The following TMEM154 variants were observed in gnomAD, a reference collection of about 807,000 sequenced individuals.
The protein encoded by TMEM154 is transmembrane protein 154.
A neutral mutation model predicts 24.5 loss-of-function variants in TMEM154; 27 were observed. That is an observed-to-expected ratio of 1.10 (90% CI 0.81 to 1.52). The LOEUF is 1.52. Ranked by LOEUF, TMEM154 falls within the 40% of genes most tolerant of loss-of-function variation. TMEM154 has a pLI of 0.00. For synonymous variants in TMEM154, 67 were observed against 76.8 expected, an observed-to-expected ratio of 0.87 and a Z score of 0.67; for missense variants, 228 against 213.4, an observed-to-expected ratio of 1.07 and a Z score of -0.43.
intron 4 of TMEM154, 122 bp downstream of exon 4, chr4:152,644,293 C>G (rs1752311858): frequency 2.7e-6 from 3 of 1,101,268 alleles, no homozygotes; most frequent in Non-Finnish European, 4.1e-6. Context: ...ATCTCCAACC[C>G]CGCCTGGGAA....
chr4:152,662,403 G>T (rs112317384), intron 1 of TMEM154, among the ~76,000 whole-genome samples: 2 of 152,134 alleles, frequency 1.3e-5, no homozygotes, highest in African/African-American at 4.8e-5. Context: ...CCAAGAGTTT[G>T]TGCAAGGAGG....
intron 1 of TMEM154, among the ~76,000 whole-genome samples, chr4:152,670,342 C>T (rs1026432561): frequency 7.9e-5 from 12 of 152,216 alleles, no homozygotes; most frequent in African/African-American, 2.6e-4. Context: ...ATCTGTAATC[C>T]CAGCACTTTG....
At chr4:152,675,945 G>A (rs1728945360) in intron 1 of TMEM154, among the ~76,000 whole-genome samples, 1 of 152,172 alleles carries the variant, frequency 6.6e-6, no homozygotes, top group Admixed American at 6.5e-5. Context: ...CATCCTCTCT[G>A]TCTGTTTTTT....
chr4:152,665,884 C>T (rs1381015905), intron 1 of TMEM154, among the ~76,000 whole-genome samples: 2 of 150,598 alleles, frequency 1.3e-5, no homozygotes, highest in Admixed American at 1.3e-4. Context: ...CACTCCTGGG[C>T]TCAAGCAAAC....
intron 1 of TMEM154, among the ~76,000 whole-genome samples, chr4:152,657,249 C>T (rs1244956648): frequency 6.6e-6 from 1 of 151,298 alleles, no homozygotes; most frequent in Non-Finnish European, 1.5e-5. Context: ...TGCAGTGGCT[C>T]ATGCCTGTAA....
chr4:152,644,472 T>C (rs768483129), intron 3 of TMEM154, 30 bp from the exon 4 acceptor site: 29 of 1,613,538 alleles, frequency 1.8e-5, no homozygotes, highest in Non-Finnish European at 2.5e-5. Context: ...AAGGTCATGT[T>C]AGCTTTGTTC....
intron 6 of TMEM154, among the ~76,000 whole-genome samples, chr4:152,631,765 A>G (rs984288218): frequency 4.2e-5 from 5 of 118,540 alleles, no homozygotes; most frequent in African/African-American, 1.6e-4. Context: ...AAGAACATTG[A>G]GTTTTTAATG....
intron 3 of TMEM154, among the ~76,000 whole-genome samples, chr4:152,645,344 A>G (rs1307642736): frequency 1.3e-5 from 2 of 152,170 alleles, no homozygotes; most frequent in East Asian, 3.9e-4. Context: ...GCATAGTGAA[A>G]CTTCCAACAA....
chr4:152,668,009 A>G (rs1728754246), intron 1 of TMEM154, among the ~76,000 whole-genome samples: 1 of 152,214 alleles, frequency 6.6e-6, no homozygotes, highest in Non-Finnish European at 1.5e-5. Flanking sequence ...TGTCTTTTTC[A>G]TTTGAAACTT....
At chr4:152,667,035 A>G (rs1315581962) in intron 1 of TMEM154, 7 of 152,228 alleles carry the variant, frequency 4.6e-5, no homozygotes, top group Admixed American at 4.6e-4. Context: ...AACGGTACTA[A>G]CTTATTATTT....
chr4:152,660,549 G>A lies in TMEM154; in HGVS notation c.65-7622C>T, dbSNP rs538081116. ...ACCATTTTTTCAGATAGACATTAGG[G>A]CAAAGAGGTTACACAACTTGCCCAA... On this transcript the variant is annotated intron_variant, in intron 1 of 6. Coordinates refer to ENST00000304385, the MANE Select transcript of TMEM154 (RefSeq NM_152680.3). Among the ~76,000 whole-genome samples, 161 of 152,214 alleles carry A rather than the reference G, an allele frequency of 1.1e-3. 1 individual carries two copies. The highest frequency in any genetic ancestry group is 1.8e-3 in the Non-Finnish European group (120 of 68,012).
At chr4:152,634,893 T>G (rs942317198) in intron 6 of TMEM154, among the ~76,000 whole-genome samples, 12 of 152,242 alleles carry the variant, frequency 7.9e-5, no homozygotes, top group Admixed American at 1.3e-4. Context: ...ACTCCTTGAC[T>G]TATGATGGGG....
intron 3 of TMEM154, among the ~76,000 whole-genome samples, chr4:152,650,615 C>T (rs1184561516): frequency 6.6e-6 from 1 of 152,162 alleles, no homozygotes; most frequent in Admixed American, 6.5e-5. Context: ...TTGATCTCCT[C>T]CTATGAATCG....
intron 1 of TMEM154, among the ~76,000 whole-genome samples, chr4:152,662,857 A>C (rs530955034): frequency 1.3e-5 from 2 of 152,056 alleles, no homozygotes; most frequent in African/African-American, 4.8e-5. Flanking sequence ...CTGGAGGTGA[A>C]CCCTCCAGAA....
At position 152,652,899 on chromosome 4, in the gene TMEM154, T is replaced by G; in HGVS notation, c.93A>C (p.Gly31=). 1 of 1,606,396 alleles carries G rather than the reference T, an allele frequency of 6.2e-7. No individual in the cohort carries two copies. The highest frequency in any genetic ancestry group is 8.5e-7 in the Non-Finnish European group (1 of 1,177,316). The change falls in exon 2 of 7, where the codon GGA becomes GGC. Residue 31 remains glycine, a synonymous_variant. Transcript: ENST00000304385. The stretch of plus-strand genomic sequence containing the variant: ...GTCTTTCAGATTCCACAGTTGTATC[T>G]CCTGAGTTTTCTAATTCCTCATAAT... ...RGNYEELENS[G]DTTVESERPN... is the part of the protein sequence containing the mutation.
rs1279551424 is a variant in TMEM154 at position 152,652,924 on chromosome 4, T to A, written c.68A>T (p.Asn23Ile). Residue 23 changes from asparagine (N) to isoleucine (I), a missense_variant, in exon 2 of 7, where the codon AAT (asparagine) becomes ATT (isoleucine). Coordinates refer to ENST00000304385, the MANE Select transcript of TMEM154 (RefSeq NM_152680.3). ...VIALVPVGRG[N>I]YEELENSGDT... ...TCCTGAGTTTTCTAATTCCTCATAATTACCTGTGGGAATAGATACAAAATT... is the reference window on the plus strand; with the variant it reads ...TCCTGAGTTTTCTAATTCCTCATAAATACCTGTGGGAATAGATACAAAATT... 1 of 1,597,026 alleles carries A rather than the reference T, an allele frequency of 6.3e-7. No individual in the cohort carries two copies.
chr4:152,652,026 A>G (rs1334423485), intron 3 of TMEM154, among the ~76,000 whole-genome samples: 3 of 152,190 alleles, frequency 2.0e-5, no homozygotes, highest in Non-Finnish European at 4.4e-5. Flanking sequence ...AACACACACA[A>G]TGTTTATCAA....
Position 152,623,655 on chromosome 4 carries a change from G to A in TMEM154, c.*4891C>T, listed in dbSNP as rs74660843. The A allele has an allele frequency of 0.051, 7,714 of 152,194 alleles. 229 individuals carry two copies. The highest frequency in any genetic ancestry group is 0.076 in the African/African-American group (3,168 of 41,492). The allele number at this position is 152,194 out of a possible 1,614,324, so 9.4% of individuals were successfully genotyped here. On this transcript the variant is annotated 3_prime_UTR_variant, in exon 7 of 7. Coordinates refer to ENST00000304385, the MANE Select transcript of TMEM154 (RefSeq NM_152680.3). Reference sequence around the variant, plus strand: ...AACATGTTGGGAGGCTGAGGTGGGCGGATCACTTGAGCCCAGGAGTTTGAG... The same window carrying A: ...AACATGTTGGGAGGCTGAGGTGGGCAGATCACTTGAGCCCAGGAGTTTGAG...
At chr4:152,632,648 A>AT (rs1752069257) in intron 6 of TMEM154, among the ~76,000 whole-genome samples, 1 of 152,162 alleles carries the variant, frequency 6.6e-6, no homozygotes, top group Admixed American at 6.5e-5. Flanking sequence ...AACATTTTAT[A>AT]TTATCACCTG....
Sources: allele counts gnomAD v4.1 joint callset (sites outside exome capture counted in the v4.1 genomes callset), GRCh38; gene constraint gnomAD v4.1.1; transcripts MANE v1.5; gene names NCBI Gene and HGNC (gene_info 2026-07-23, HGNC 2026-07-21).